The following SYN2 variants were observed in gnomAD, a reference collection of about 807,000 sequenced individuals.
The protein encoded by SYN2 is synapsin-2.
A neutral mutation model predicts 50.9 loss-of-function variants in SYN2; 19 were observed. That is an observed-to-expected ratio of 0.37 (90% CI 0.26 to 0.55). SYN2 has a LOEUF of 0.55. Ranked by LOEUF, SYN2 falls within the 20% of genes least tolerant of loss-of-function variation. The probability of loss-of-function intolerance (pLI) is 0.81; values close to 1 mark genes in which losing one functional copy is unlikely to be tolerated. For synonymous variants in SYN2, 255 were observed against 224.9 expected, an observed-to-expected ratio of 1.13 and a Z score of -1.20; for missense variants, 587 against 576.4, an observed-to-expected ratio of 1.02 and a Z score of -0.19.
At chr3:12,077,005 G>T (rs1430446884) in intron 1 of SYN2, among the ~76,000 whole-genome samples, 1 of 152,148 alleles carries the variant, frequency 6.6e-6, no homozygotes, top group Non-Finnish European at 1.5e-5. Context: ...GATAGAATTT[G>T]AGAGGGAGAA....
chr3:12,089,517 T>G (rs1481375321), intron 1 of SYN2, among the ~76,000 whole-genome samples: 3 of 152,108 alleles, frequency 2.0e-5, no homozygotes, highest in Non-Finnish European at 4.4e-5. Context: ...TCTCAAACAT[T>G]TAAAGAAAAA....
chr3:12,170,824 A>G (rs1054462284), intron 10 of SYN2, among the ~76,000 whole-genome samples: 8 of 152,366 alleles, frequency 5.3e-5, no homozygotes, highest in East Asian at 1.9e-4. Context: ...GGGAGGTAGA[A>G]TAGAATAGTG....
chr3:12,109,530 A>G (rs1278536421), intron 1 of SYN2, among the ~76,000 whole-genome samples: 23 of 152,166 alleles, frequency 1.5e-4, no homozygotes, highest in Admixed American at 1.5e-3. Flanking sequence ...TTTTGCTTTA[A>G]TATAAAAAGG....
Position 12,169,836 on chromosome 3 carries a change from A to G in SYN2, c.1238A>G (p.Lys413Arg), listed in dbSNP as rs1438083281. ...RQLITELVIS[K>R]MNQLLSRTPA... ...CTCATCACCGAACTAGTCATCAGCA[A>G]GATGAACCAGCTGCTGTCCAGGACT... is the stretch of plus-strand genomic sequence containing the variant. The change falls in exon 10 of 13, where the codon AAG (lysine) becomes AGG (arginine). Residue 413 changes from lysine to arginine, a missense_variant. Coordinates refer to ENST00000621198, the MANE Select transcript of SYN2 (RefSeq NM_133625.6). 3 of 1,613,888 alleles carry G rather than the reference A, an allele frequency of 1.9e-6. No individual in the cohort carries two copies. The South Asian group carries it at 3.3e-5, about 18-fold the overall frequency.
At chr3:12,184,276 G>C in intron 11 of SYN2, 1 of 985,892 alleles carries the variant, frequency 1.0e-6, no homozygotes, top group Non-Finnish European at 1.2e-6. Flanking sequence ...TTTTGTGTGT[G>C]TTGATCTCAG....
chr3:12,015,846 T>C (rs1694019465), intron 1 of SYN2, among the ~76,000 whole-genome samples: 1 of 152,232 alleles, frequency 6.6e-6, no homozygotes, highest in Non-Finnish European at 1.5e-5. Context: ...TCTTTCTATC[T>C]AGGACTGTTC....
At chr3:12,016,183 C>T (rs2125133100) in intron 1 of SYN2, among the ~76,000 whole-genome samples, 1 of 152,184 alleles carries the variant, frequency 6.6e-6, no homozygotes, top group Admixed American at 6.5e-5. Flanking sequence ...CTCTTCTGTC[C>T]CTCTCTTCCC....
intron 10 of SYN2, among the ~76,000 whole-genome samples, chr3:12,182,383 A>C (rs548690258): frequency 1.3e-5 from 2 of 152,222 alleles, no homozygotes; most frequent in African/African-American, 4.8e-5. Context: ...TAGGCTTCAC[A>C]GAACATTTCC....
chr3:12,026,812 T>C (rs886616866), intron 1 of SYN2, among the ~76,000 whole-genome samples: 2 of 152,204 alleles, frequency 1.3e-5, no homozygotes, highest in African/African-American at 4.8e-5. Flanking sequence ...TAGCACTGCA[T>C]AGTTGCTAAT....
At chr3:12,070,738 G>T in intron 1 of SYN2, 1 of 823,788 alleles carries the variant, frequency 1.2e-6, no homozygotes, top group Non-Finnish European at 1.9e-6. Flanking sequence ...CATCTACGAG[G>T]CCTAAGCCCT....
chr3:12,183,853 C>A lies in SYN2; in HGVS notation c.1369+481C>A, dbSNP rs2289708. ...AGAAAACCCAACTCCTCTCCTCCCC[C>A]CAAGCTCAGTTAAATCCCCCACCTC... On this transcript the variant is annotated intron_variant, in intron 11 of 12. Transcript: ENST00000621198. 17 of 1,025,742 alleles carry A rather than the reference C, an allele frequency of 1.7e-5. No homozygotes were observed. The East Asian group carries it at 5.5e-4, about 33-fold the overall frequency. The allele number at this position is 1,025,742 out of a possible 1,614,324, so 63.5% of individuals were successfully genotyped here.
chr3:12,054,780 A>G (rs1280301316), intron 1 of SYN2, among the ~76,000 whole-genome samples: 1 of 151,580 alleles, frequency 6.6e-6, no homozygotes, highest in East Asian at 1.9e-4. Context: ...CATCTTTTCC[A>G]GGAGTTTTTA....
At chr3:12,010,383 A>G (rs981978763) in intron 1 of SYN2, among the ~76,000 whole-genome samples, 3 of 152,182 alleles carry the variant, frequency 2.0e-5, no homozygotes, top group Non-Finnish European at 2.9e-5. Context: ...TTTACAAGGG[A>G]TATAAGGATT....
chr3:12,081,120 A>G (rs1292636908), intron 1 of SYN2, among the ~76,000 whole-genome samples: 1 of 152,210 alleles, frequency 6.6e-6, no homozygotes, highest in Non-Finnish European at 1.5e-5. Context: ...TCAAAGGGTT[A>G]TCTGCACTAT....
In SYN2 at chr3:12,130,907, G is replaced by A. The variant is rs1696784849; in HGVS notation, c.378-9744G>A. On this transcript the variant is annotated intron_variant, in intron 1 of 12. Transcript: ENST00000621198. ...AGAAGGAGGAGAAACTACTGCAGGAGAGGAGGTCAGGGAAGATTTCCTAAG... is the reference window on the plus strand; with the variant it reads ...AGAAGGAGGAGAAACTACTGCAGGAAAGGAGGTCAGGGAAGATTTCCTAAG... Among the ~76,000 whole-genome samples the A allele has an allele frequency of 2.0e-5, 3 of 152,368 alleles. 1 individual carries two copies. The South Asian group carries it at 6.2e-4, about 32-fold the overall frequency.
intron 11 of SYN2, among the ~76,000 whole-genome samples, chr3:12,187,101 C>T (rs1698357044): frequency 6.6e-6 from 1 of 152,194 alleles, no homozygotes; most frequent in South Asian, 2.1e-4. Context: ...GAGTGCGCCT[C>T]TGACGGGGCC....
At chr3:12,054,698 G>A (rs1194018818) in intron 1 of SYN2, among the ~76,000 whole-genome samples, 1 of 146,454 alleles carries the variant, frequency 6.8e-6, no homozygotes, top group African/African-American at 2.5e-5. Context: ...ACTGTCTCCT[G>A]GGGAGTAGTT....
intron 10 of SYN2, among the ~76,000 whole-genome samples, chr3:12,178,148 G>C (rs897211719): frequency 6.6e-6 from 1 of 152,168 alleles, no homozygotes; most frequent in African/African-American, 2.4e-5. Context: ...CCAGGGAGCG[G>C]GGCCTGGGGG....
intron 1 of SYN2, among the ~76,000 whole-genome samples, chr3:12,082,678 A>T (rs2125175342): frequency 6.6e-6 from 1 of 152,186 alleles, no homozygotes; most frequent in East Asian, 1.9e-4. Context: ...CTCACTGAAA[A>T]CTCACTGTTA....
Sources: gnomAD v4.1 joint callset for allele counts (sites outside exome capture counted in the v4.1 genomes callset) on GRCh38, gnomAD v4.1.1 for gene constraint, MANE v1.5 for transcripts, NCBI Gene and HGNC (gene_info 2026-07-23, HGNC 2026-07-21) for gene names.